Variants in CUX2 observed in about 807,000 individuals in gnomAD.
CUX2 encodes the protein homeobox protein cut-like 2.
A neutral mutation model predicts 144.8 loss-of-function variants in CUX2; 40 were observed. The ratio of observed to expected loss-of-function variants is 0.28; its 90% confidence interval spans 0.21 to 0.36. CUX2 has a LOEUF of 0.36. Among genes scored for constraint, CUX2 ranks in the 10% least tolerant of loss-of-function variants. CUX2 has a pLI of 1.00. For synonymous variants in CUX2, 827 were observed against 875.6 expected, an observed-to-expected ratio of 0.94 and a Z score of 0.98; for missense variants, 1,615 against 1,994.0, an observed-to-expected ratio of 0.81 and a Z score of 3.62.
At chr12:111,146,842 A>G (rs1170746190) in intron 1 of CUX2, among the ~76,000 whole-genome samples, 2 of 152,252 alleles carry the variant, frequency 1.3e-5, no homozygotes, top group Non-Finnish European at 1.5e-5. Flanking sequence ...GGGCATAATA[A>G]TAGCTCTGGG....
At position 111,046,840 on chromosome 12, in the gene CUX2, A is replaced by T. The variant is rs113033905; in HGVS notation, c.63+12600A>T. Among the ~76,000 whole-genome samples, 463 of 152,304 alleles carry T rather than the reference A, an allele frequency of 3.0e-3. 2 individuals carry two copies. Among genetic ancestry groups the T allele is most frequent in the African/African-American group, 0.011 (441 of 41,570 alleles). ...CCTGGCTGATTTTTGTATTTTCAGTAGAGACGGGGTTTCACCACGTCGGCC... is the reference window on the plus strand; with the variant it reads ...CCTGGCTGATTTTTGTATTTTCAGTTGAGACGGGGTTTCACCACGTCGGCC... On this transcript the variant is annotated intron_variant, in intron 1 of 21. Coordinates refer to ENST00000261726, the MANE Select transcript of CUX2 (RefSeq NM_015267.4).
chr12:111,157,382 A>G (rs1446836752), intron 1 of CUX2, among the ~76,000 whole-genome samples: 1 of 151,932 alleles, frequency 6.6e-6, no homozygotes, highest in Non-Finnish European at 1.5e-5. Flanking sequence ...AGCACAGGAT[A>G]GAGTTGGCAT....
chr12:111,122,520 C>T lies in CUX2; in HGVS notation c.63+88280C>T, dbSNP rs185061793. Among the ~76,000 whole-genome samples the T allele has an allele frequency of 1.0e-3, 153 of 152,306 alleles. 1 individual carries two copies. The highest frequency in any genetic ancestry group is 8.7e-4 in the Non-Finnish European group (59 of 68,024). On this transcript the variant is annotated intron_variant, in intron 1 of 21. Coordinates refer to ENST00000261726, the MANE Select transcript of CUX2 (RefSeq NM_015267.4). Reference sequence around the variant, plus strand: ...GAGATGCAAAGATAAAAGGATTTCCCTCTCCGAGTGCCTTAAATATTGGCA... The same window carrying T: ...GAGATGCAAAGATAAAAGGATTTCCTTCTCCGAGTGCCTTAAATATTGGCA...
chr12:111,290,210 C>T (rs539051331), intron 4 of CUX2, among the ~76,000 whole-genome samples: 1 of 152,238 alleles, frequency 6.6e-6, no homozygotes, highest in Admixed American at 6.5e-5. Flanking sequence ...CAAGAAAATA[C>T]AAAAATTAGC....
intron 3 of CUX2, among the ~76,000 whole-genome samples, chr12:111,240,828 G>A (rs986396142): frequency 6.6e-6 from 1 of 152,156 alleles, no homozygotes; most frequent in African/African-American, 2.4e-5. Context: ...GAGGAATGGT[G>A]GAGTGATTCT....
At chr12:111,065,938 A>G (rs1871003065) in intron 1 of CUX2, among the ~76,000 whole-genome samples, 1 of 152,230 alleles carries the variant, frequency 6.6e-6, no homozygotes, top group Admixed American at 6.5e-5. Context: ...GGGACAATCA[A>G]TTTGAACTCC....
chr12:111,161,734 TTTC>T (rs1337212361), intron 1 of CUX2, among the ~76,000 whole-genome samples: 4 of 151,654 alleles, frequency 2.6e-5, no homozygotes, highest in African/African-American at 7.3e-5. Flanking sequence ...TGCCATTTCT[TTTC>T]TTTTTTTGTT....
At chr12:111,269,067 C>G (rs938664608) in intron 4 of CUX2, among the ~76,000 whole-genome samples, 1 of 152,176 alleles carries the variant, frequency 6.6e-6, no homozygotes, top group African/African-American at 2.4e-5. Context: ...CTGCAGTCTC[C>G]TCTTCCATAA....
rs1871169894 is a variant in CUX2 at position 111,069,537 on chromosome 12, T to TGTGTGTGTGTGTGTGCGCGCGC, written c.63+35310_63+35331dup. 3.9e-4 allele frequency among the ~76,000 whole-genome samples: 53 copies of TGTGTGTGTGTGTGTGCGCGCGC among 134,898 alleles called. No homozygotes were observed. In the South Asian group the frequency reaches 0.011, roughly 28 times the overall value. 88.5% of individuals were successfully genotyped at this position (134,898 alleles called of 152,430 possible). On this transcript the variant is annotated intron_variant, in intron 1 of 21. Coordinates refer to ENST00000261726, the MANE Select transcript of CUX2 (RefSeq NM_015267.4). ...GCCTTGCTCTGTGTGTGTGTGTGTG[T>TGTGTGTGTGTGTGTGCGCGCGC]GTGTGTGTGTGTGTGCGCGCGCGTG...
intron 14 of CUX2, among the ~76,000 whole-genome samples, 188 bp from the exon 15 acceptor site, chr12:111,309,853 C>G (rs1273197922): frequency 6.6e-6 from 1 of 151,562 alleles, no homozygotes; most frequent in Non-Finnish European, 1.5e-5. Flanking sequence ...TTCTTTCTCT[C>G]ACATGTGGTC....
chr12:111,289,540 C>T lies in CUX2; in HGVS notation c.302-1878C>T, dbSNP rs1435140590. ...ATGATCCACATTTCTTAGTCCCTGC[C>T]CTAGATGGGGACTTGGGGAAAGTGT... On this transcript the variant is annotated intron_variant, in intron 4 of 21. Transcript: ENST00000261726. This position sits in a 1 kb window ranked among gnomAD's most constrained non-coding sequence, Gnocchi z 4.1. Among the ~76,000 whole-genome samples, 1 of 152,018 alleles carries T rather than the reference C, an allele frequency of 6.6e-6. No individual in the cohort carries two copies. The highest frequency in any genetic ancestry group is 1.5e-5 in the Non-Finnish European group (1 of 68,028).
At position 111,339,794 on chromosome 12, in the gene CUX2, T is replaced by C. The variant is rs1016593592; in HGVS notation, c.3385+1320T>C. Reference sequence around the variant, plus strand: ...GAGAGCACCTAGGGCTGGGCCATCATCATCAGACAATGCTGTGGTTGAGAA... The same window carrying C: ...GAGAGCACCTAGGGCTGGGCCATCACCATCAGACAATGCTGTGGTTGAGAA... On this transcript the variant is annotated intron_variant, in intron 20 of 21. Coordinates refer to ENST00000261726, the MANE Select transcript of CUX2 (RefSeq NM_015267.4). Among the ~76,000 whole-genome samples the C allele has an allele frequency of 2.6e-5, 4 of 152,200 alleles. No individual in the cohort carries two copies. In the South Asian group the frequency reaches 8.3e-4, roughly 32 times the overall value.
At chr12:111,200,170 C>T (rs763570445) in intron 1 of CUX2, among the ~76,000 whole-genome samples, 4 of 151,852 alleles carry the variant, frequency 2.6e-5, no homozygotes, top group East Asian at 1.9e-4. Flanking sequence ...AGCAAGGATC[C>T]GAGCCCTGTC....
chr12:111,172,962 G>A (rs1283662043), intron 1 of CUX2, among the ~76,000 whole-genome samples: 4 of 152,194 alleles, frequency 2.6e-5, no homozygotes, highest in African/African-American at 7.2e-5. Context: ...CAATAAACTC[G>A]GGGCTTAGTT....
intron 1 of CUX2, among the ~76,000 whole-genome samples, chr12:111,066,259 C>G (rs1009736697): frequency 5.9e-5 from 9 of 152,290 alleles, no homozygotes; most frequent in African/African-American, 2.2e-4. Context: ...CCAGAACTGA[C>G]CTATATATTT....
chr12:111,345,721 G>A (rs1373897834), intron 21 of CUX2, among the ~76,000 whole-genome samples: 2 of 145,732 alleles, frequency 1.4e-5, no homozygotes, highest in East Asian at 4.0e-4. Context: ...GGGTGACAGA[G>A]CGAGACTCCG....
chr12:111,040,119 T>G (rs1379579414), intron 1 of CUX2, among the ~76,000 whole-genome samples: 2 of 151,562 alleles, frequency 1.3e-5, no homozygotes, highest in African/African-American at 4.9e-5. Flanking sequence ...ATACCCCTTC[T>G]CTACAAAAAA....
intron 1 of CUX2, among the ~76,000 whole-genome samples, chr12:111,205,520 T>C (rs1018044533): frequency 4.6e-5 from 7 of 152,208 alleles, no homozygotes; most frequent in Non-Finnish European, 1.0e-4. Flanking sequence ...CTAGAACCCC[T>C]GGATAGCTGT....
At chr12:111,247,066 C>T (rs1242503434) in intron 3 of CUX2, among the ~76,000 whole-genome samples, 8 of 152,188 alleles carry the variant, frequency 5.3e-5, no homozygotes, top group Admixed American at 5.2e-4. Flanking sequence ...TATGTATCAT[C>T]ACCTTAATCC....
Sources: gnomAD v4.1 joint callset for allele counts (sites outside exome capture counted in the v4.1 genomes callset) on GRCh38, gnomAD v4.1.1 for gene constraint, Gnocchi (gnomAD v3.1) non-coding constraint, MANE v1.5 for transcripts, NCBI Gene and HGNC (gene_info 2026-07-23, HGNC 2026-07-21) for gene names.